Variants in LMX1A observed in about 807,000 individuals in gnomAD.
LMX1A encodes LIM homeobox transcription factor 1-alpha.
A neutral mutation model predicts 49.1 loss-of-function variants in LMX1A; 15 were observed. That is an observed-to-expected ratio of 0.31 (90% CI 0.20 to 0.47). The LOEUF is 0.47. Among genes scored for constraint, LMX1A ranks in the 20% least tolerant of loss-of-function variants. The probability of loss-of-function intolerance (pLI) is 1.00; values close to 1 mark genes in which losing one functional copy is unlikely to be tolerated. For synonymous variants in LMX1A, 167 were observed against 185.7 expected, an observed-to-expected ratio of 0.90 and a Z score of 0.82; for missense variants, 372 against 475.8, an observed-to-expected ratio of 0.78 and a Z score of 2.03.
intron 3 of LMX1A, among the ~76,000 whole-genome samples, chr1:165,285,629 T>A (rs1318888945): frequency 1.3e-5 from 2 of 152,182 alleles, no homozygotes; most frequent in Non-Finnish European, 1.5e-5. Context: ...CTGTTCACCA[T>A]CTCCACTGAG....
chr1:165,282,323 T>C (rs978264703), intron 3 of LMX1A, among the ~76,000 whole-genome samples: 2 of 152,190 alleles, frequency 1.3e-5, no homozygotes, highest in Admixed American at 1.3e-4. Flanking sequence ...GCCCCTCGGA[T>C]ACCAAAACTC....
rs1395707331 is a variant in LMX1A at position 165,247,536 on chromosome 1, T to C, written c.496+1872A>G. Among the ~76,000 whole-genome samples the C allele has an allele frequency of 2.6e-5, 4 of 152,110 alleles. No homozygotes were observed. In the East Asian group the frequency reaches 7.7e-4, roughly 29 times the overall value. On this transcript the variant is annotated intron_variant, in intron 4 of 8. Transcript: ENST00000342310. Reference sequence around the variant, plus strand: ...GAAATTTCCCTCAAATCAAAATAAATCCAGGAAAACCTAAGGCCAATAAGA... The same window carrying C: ...GAAATTTCCCTCAAATCAAAATAAACCCAGGAAAACCTAAGGCCAATAAGA...
chr1:165,356,440 C>T lies in LMX1A; in HGVS notation c.-108G>A, dbSNP rs1393470315. 1 of 151,064 alleles carries T rather than the reference C, an allele frequency of 6.6e-6. No homozygotes were observed. The highest frequency in any genetic ancestry group is 1.5e-5 in the Non-Finnish European group (1 of 67,662). 9.4% of individuals were successfully genotyped at this position (151,064 alleles called of 1,614,324 possible). ...AGCTTCTGCCCGGGAAGGCGTCGCC[C>T]CCGAGACTGCAGCCGGAGGAGCCGC... On this transcript the variant is annotated 5_prime_UTR_variant, in exon 1 of 9. Coordinates refer to ENST00000342310, the MANE Select transcript of LMX1A (RefSeq NM_177398.4).
intron 3 of LMX1A, among the ~76,000 whole-genome samples, chr1:165,324,725 C>T (rs1655517438): frequency 6.6e-6 from 1 of 152,162 alleles, no homozygotes; most frequent in African/African-American, 2.4e-5. Context: ...ATTTCATTAT[C>T]CCATATGATC....
rs1017819906 is a variant in LMX1A at position 165,355,098 on chromosome 1, C to G, written c.76+386G>C. Among the ~76,000 whole-genome samples, 10 of 152,156 alleles carry G rather than the reference C, an allele frequency of 6.6e-5. No individual in the cohort carries two copies. Among genetic ancestry groups the G allele is most frequent in the African/African-American group, 2.4e-4 (10 of 41,448 alleles). On this transcript the variant is annotated intron_variant, in intron 2 of 8. Coordinates refer to ENST00000342310, the MANE Select transcript of LMX1A (RefSeq NM_177398.4). The surrounding 1 kb of genome is among the most constrained non-coding windows in gnomAD (Gnocchi z 4.7). The stretch of plus-strand genomic sequence containing the variant: ...AGAAGCCTCCTCGAACTTGGGCGCT[C>G]CAGGCCTCGGGTCTCGGATGCTATT...
intron 4 of LMX1A, among the ~76,000 whole-genome samples, chr1:165,247,988 G>A (rs955580750): frequency 1.3e-5 from 2 of 152,234 alleles, no homozygotes; most frequent in African/African-American, 4.8e-5. Context: ...GTCCCAGCCT[G>A]TGCTAGACCT....
intron 3 of LMX1A, among the ~76,000 whole-genome samples, chr1:165,264,929 C>T (rs1157623720): frequency 5.3e-5 from 8 of 151,794 alleles, no homozygotes; most frequent in Non-Finnish European, 1.0e-4. Flanking sequence ...GAAGGCCGGG[C>T]GCGGTGGCTC....
At chr1:165,327,361 C>T (rs1571225134) in intron 3 of LMX1A, among the ~76,000 whole-genome samples, 1 of 152,374 alleles carries the variant, frequency 6.6e-6, no homozygotes, top group East Asian at 1.9e-4. Flanking sequence ...CAAAGGACTA[C>T]TGCAGTAGAC....
chr1:165,275,825 T>G (rs1021607846), intron 3 of LMX1A, among the ~76,000 whole-genome samples: 1 of 148,452 alleles, frequency 6.7e-6, no homozygotes, highest in African/African-American at 2.5e-5. Context: ...CTAGAGCTTT[T>G]ATGGCGCTGG....
intron 5 of LMX1A, among the ~76,000 whole-genome samples, chr1:165,211,816 G>A (rs1225465418): frequency 2.0e-5 from 3 of 152,148 alleles, no homozygotes; most frequent in Admixed American, 6.5e-5. Flanking sequence ...TGATTGCCCA[G>A]ACCAAAGTGA....
chr1:165,250,757 G>A (rs569485450), intron 3 of LMX1A, among the ~76,000 whole-genome samples: 2 of 152,342 alleles, frequency 1.3e-5, no homozygotes, highest in East Asian at 1.9e-4. Context: ...GGCTGTGGGA[G>A]TACAGAGGGG....
chr1:165,245,030 C>A (rs756812329), intron 4 of LMX1A, among the ~76,000 whole-genome samples: 2 of 152,096 alleles, frequency 1.3e-5, no homozygotes, highest in African/African-American at 4.8e-5. Context: ...TAGCTGTGAA[C>A]GTGTCACATG....
chr1:165,341,370 A>T (rs1656070839), intron 3 of LMX1A, among the ~76,000 whole-genome samples: 1 of 151,802 alleles, frequency 6.6e-6, no homozygotes, highest in African/African-American at 2.4e-5. Flanking sequence ...CTACACTCCC[A>T]CTCATCCTGC....
chr1:165,353,378 C>T (rs893118960), intron 2 of LMX1A, 116 bp from the exon 3 acceptor site: 4 of 775,374 alleles, frequency 5.2e-6, no homozygotes, highest in Middle Eastern at 7.3e-4. Flanking sequence ...GCGCCCCCCA[C>T]CCCAGGGAAC....
At chr1:165,342,558 G>A (rs1656108090) in intron 3 of LMX1A, among the ~76,000 whole-genome samples, 1 of 152,094 alleles carries the variant, frequency 6.6e-6, no homozygotes, top group African/African-American at 2.4e-5. Flanking sequence ...GATCAATGGG[G>A]TTGGTGTGGG....
chr1:165,242,533 G>T (rs1392489547), intron 4 of LMX1A, among the ~76,000 whole-genome samples: 1 of 151,022 alleles, frequency 6.6e-6, no homozygotes, highest in Non-Finnish European at 1.5e-5. Context: ...TATTGTTTGA[G>T]ATAGCAAAAA....
intron 3 of LMX1A, among the ~76,000 whole-genome samples, chr1:165,325,463 G>GTATATACA (rs775957922): frequency 0.23 from 916 of 4,000 alleles, 7 homozygotes; most frequent in Middle Eastern, 0.5. Context: ...ATATACATAT[G>GTATATACA]TGTGTGTGTG....
intron 3 of LMX1A, among the ~76,000 whole-genome samples, chr1:165,258,729 G>A (rs970937141): frequency 6.6e-6 from 1 of 152,150 alleles, no homozygotes; most frequent in African/African-American, 2.4e-5. Flanking sequence ...TGCTGGCGAT[G>A]GGTGGTTTCT....
intron 3 of LMX1A, among the ~76,000 whole-genome samples, chr1:165,305,840 A>G (rs1329019483): frequency 5.3e-5 from 8 of 152,188 alleles, no homozygotes; most frequent in Non-Finnish European, 1.0e-4. Flanking sequence ...ATGAGATATG[A>G]TATGGTGAGT....
Sources: allele counts gnomAD v4.1 joint callset (sites outside exome capture counted in the v4.1 genomes callset), GRCh38; gene constraint gnomAD v4.1.1; non-coding constraint Gnocchi (gnomAD v3.1); transcripts MANE v1.5; gene names NCBI Gene and HGNC (gene_info 2026-07-23, HGNC 2026-07-21).